ELF1: variants seen among roughly 807,000 people sequenced by gnomAD.
The protein encoded by ELF1 is E74 like ETS transcription factor 1, also known as ETS-related transcription factor Elf-1.
A neutral mutation model predicts 59.9 loss-of-function variants in ELF1; 24 were observed. That is an observed-to-expected ratio of 0.40 (90% CI 0.29 to 0.56). The LOEUF (loss-of-function observed/expected upper bound fraction) is 0.56, where lower values mean the gene tolerates loss of function less well. ELF1 is among the 20% of genes least tolerant of loss of function. The pLI is 0.44. For missense variants in ELF1, 627 were observed against 742.2 expected (o/e 0.84, Z 1.80); for synonymous variants, 248 against 266.2 (o/e 0.93, Z 0.67).
intron 1 of ELF1, among the ~76,000 whole-genome samples, chr13:41,011,258 T>C (rs186261163): frequency 6.6e-6 from 1 of 152,332 alleles, no homozygotes; most frequent in Admixed American, 6.5e-5. Context: ...TGTGGGATAA[T>C]TCTGAAGATG....
At chr13:40,967,637 G>A (rs750744816) in intron 2 of ELF1, among the ~76,000 whole-genome samples, 9 of 152,042 alleles carry the variant, frequency 5.9e-5, no homozygotes, top group Non-Finnish European at 1.0e-4. Context: ...CTGTCGCCTC[G>A]CTGGAGTGCA....
At chr13:40,956,015 G>A (rs1479919263) in intron 3 of ELF1, among the ~76,000 whole-genome samples, 15 of 145,326 alleles carry the variant, frequency 1.0e-4, no homozygotes, top group South Asian at 6.8e-4. Flanking sequence ...CTGCCTGGCC[G>A]CCCCTACTGG....
At chr13:41,030,585 A>G (rs1876119489) in intron 1 of ELF1, among the ~76,000 whole-genome samples, 1 of 152,014 alleles carries the variant, frequency 6.6e-6, no homozygotes, top group Non-Finnish European at 1.5e-5. Flanking sequence ...TCTACAAAAA[A>G]TAAAAATAAA....
chr13:40,967,993 G>A (rs772844358), intron 2 of ELF1, among the ~76,000 whole-genome samples: 2 of 151,842 alleles, frequency 1.3e-5, no homozygotes, highest in African/African-American at 4.8e-5. Context: ...TTTTTAATGA[G>A]AATAGTCTTT....
chr13:41,028,464 G>A (rs573709790), intron 1 of ELF1, among the ~76,000 whole-genome samples: 3 of 152,272 alleles, frequency 2.0e-5, no homozygotes, highest in Admixed American at 1.3e-4. Context: ...AAAGAACCAC[G>A]ACCAGCTAAG....
Position 40,933,435 on chromosome 13 carries a change from T to G in ELF1, c.1850A>C (p.Asn617Thr). 5 of 1,609,644 alleles carry G rather than the reference T, an allele frequency of 3.1e-6. No individual in the cohort carries two copies. In the East Asian group the frequency reaches 8.9e-5, roughly 29 times the overall value. The change falls in exon 9 of 9, where the codon AAC becomes ACC. Residue 617 changes from asparagine to threonine, a missense_variant. Around this residue, in one of 3 missense-constraint regions of ELF1, gnomAD observed 361 missense variants for 396.1 expected, o/e 0.91. Transcript: ENST00000239882. Reference protein sequence around the residue: ...AMKQNELLEPNSF With the variant: ...AMKQNELLEPTSF ...GCTTTGGTATATTAACTAAAAAGAG[T>G]TGGGTTCCAGCAGTTCGTTTTGTTT...
chr13:41,048,988 A>G (rs780653901), intron 1 of ELF1, among the ~76,000 whole-genome samples: 2 of 152,162 alleles, frequency 1.3e-5, no homozygotes, highest in African/African-American at 2.4e-5. Flanking sequence ...GCTAAATCCA[A>G]TGAACACTTT....
At chr13:41,043,446 T>C (rs1316476808) in intron 1 of ELF1, among the ~76,000 whole-genome samples, 2 of 152,224 alleles carry the variant, frequency 1.3e-5, no homozygotes, top group African/African-American at 4.8e-5. Context: ...AGGTCTAACA[T>C]TTAAGTCTTT....
chr13:40,985,043 G>A (rs936998480), intron 1 of ELF1, among the ~76,000 whole-genome samples: 6 of 152,158 alleles, frequency 3.9e-5, no homozygotes, highest in Non-Finnish European at 8.8e-5. Flanking sequence ...ACTTATTGCA[G>A]CAGAAAAAGA....
At chr13:41,022,487 A>C (rs1875724957), upstream of ELF1, among the ~76,000 whole-genome samples, 1 of 152,236 alleles carries the variant, frequency 6.6e-6, no homozygotes, top group East Asian at 1.9e-4. Context: ...TGGTACCGGT[A>C]TATGACTTAT....
intron 1 of ELF1, among the ~76,000 whole-genome samples, chr13:41,005,041 G>C (rs1002832104): frequency 3.3e-5 from 5 of 152,164 alleles, no homozygotes; most frequent in African/African-American, 1.2e-4. Context: ...AGGAAGCACA[G>C]AGTAAGATAT....
chr13:41,037,869 T>C (rs1312578557), intron 1 of ELF1, among the ~76,000 whole-genome samples: 2 of 151,844 alleles, frequency 1.3e-5, no homozygotes, highest in African/African-American at 4.8e-5. Flanking sequence ...AATTTAAGGA[T>C]ACAAAAATAT....
intron 1 of ELF1, among the ~76,000 whole-genome samples, chr13:41,060,491 G>A (rs1026898713): frequency 3.9e-5 from 6 of 152,156 alleles, no homozygotes; most frequent in Non-Finnish European, 5.9e-5. Flanking sequence ...CTCCCTCAGG[G>A]CCCACCAGCC....
At chr13:40,978,863 C>T (rs980516092) in intron 2 of ELF1, among the ~76,000 whole-genome samples, 5 of 150,994 alleles carry the variant, frequency 3.3e-5, no homozygotes, top group African/African-American at 1.2e-4. Flanking sequence ...GAAATTAATA[C>T]AGCTCCTCTT....
chr13:41,056,767 T>A (rs1033103880), intron 1 of ELF1, among the ~76,000 whole-genome samples: 2 of 151,016 alleles, frequency 1.3e-5, no homozygotes, highest in African/African-American at 4.9e-5. Context: ...ATGAAAAAAA[T>A]GTCATAAAGT....
chr13:41,009,459 A>C (rs958298315), intron 1 of ELF1, among the ~76,000 whole-genome samples: 2 of 152,190 alleles, frequency 1.3e-5, no homozygotes, highest in African/African-American at 4.8e-5. Flanking sequence ...ACTGCCCTGC[A>C]GAAGATTTTT....
At position 40,955,438 on chromosome 13, in the gene ELF1, G is replaced by A. The variant is rs1416684333; in HGVS notation, c.253+3398C>T. 2.0e-4 allele frequency among the ~76,000 whole-genome samples: 25 copies of A among 126,748 alleles called. 1 individual carries two copies. The highest frequency in any genetic ancestry group is 5.4e-4 in the South Asian group (2 of 3,676). The allele number at this position is 126,748 out of a possible 152,430, so 83.2% of individuals were successfully genotyped here. A position where few individuals can be genotyped will look rare whatever the true frequency, so the allele number is the denominator to read the frequency against. The stretch of plus-strand genomic sequence containing the variant: ...AAGGAGGTGGGGGGGTCAGCCCCCC[G>A]CCCGGCCAGCCGCCCCGTCCGGGAG... On this transcript the variant is annotated intron_variant, in intron 3 of 8. Coordinates refer to ENST00000239882, the MANE Select transcript of ELF1 (RefSeq NM_172373.4).
At chr13:40,969,530 T>G (rs1289433229) in intron 2 of ELF1, among the ~76,000 whole-genome samples, 1 of 152,240 alleles carries the variant, frequency 6.6e-6, no homozygotes, top group Non-Finnish European at 1.5e-5. Flanking sequence ...GTGCAGGGCC[T>G]GGCAAGGGTA....
intron 6 of ELF1, 76 bp downstream of exon 6, chr13:40,943,766 G>A (rs142939230): frequency 3.9e-5 from 48 of 1,246,366 alleles, no homozygotes; most frequent in African/African-American, 6.0e-5. Flanking sequence ...GAAAGCTGGT[G>A]GTTTCTAGTT....
Sources: gnomAD v4.1 joint callset for allele counts (sites outside exome capture counted in the v4.1 genomes callset) on GRCh38, gnomAD v4.1.1 for gene constraint, gnomAD v4.1.1 regional missense constraint, MANE v1.5 for transcripts, NCBI Gene and HGNC (gene_info 2026-07-23, HGNC 2026-07-21) for gene names.